CLYBL: variants seen among roughly 807,000 people sequenced by gnomAD.
The protein encoded by CLYBL is citramalyl-CoA lyase, mitochondrial.
Under a neutral mutation model 38.9 loss-of-function variants are expected in CLYBL, and 31 were observed. That is an observed-to-expected ratio of 0.80 (90% confidence interval 0.60 to 1.08). The LOEUF is 1.08. Among genes scored for constraint, CLYBL ranks in the 50% least tolerant of loss-of-function variants. CLYBL has a pLI of 0.00. For missense variants in CLYBL, 434 were observed against 411.6 expected, an observed-to-expected ratio of 1.05 and a Z score of -0.47; for synonymous variants, 171 against 158.6, an observed-to-expected ratio of 1.08 and a Z score of -0.59.
At chr13:99,718,342 C>T (rs2048348124) in intron 1 of CLYBL, among the ~76,000 whole-genome samples, 1 of 151,260 alleles carries the variant, frequency 6.6e-6, no homozygotes, top group Non-Finnish European at 1.5e-5. Context: ...ACTCCTGTTG[C>T]CTGTTAACCT....
chr13:99,661,466 C>G (rs184651357), intron 1 of CLYBL, among the ~76,000 whole-genome samples: 1 of 152,114 alleles, frequency 6.6e-6, no homozygotes, highest in Non-Finnish European at 1.5e-5. Context: ...TTCTGTCAGA[C>G]GAGTTATTCA....
At chr13:99,784,077 G>A (rs375794710) in intron 2 of CLYBL, 13 of 152,100 alleles carry the variant, frequency 8.5e-5, no homozygotes, top group South Asian at 4.1e-4. Flanking sequence ...ATGTGCCAAC[G>A]TTGCAGCAAG....
At chr13:99,635,875 A>C (rs956420209) in intron 1 of CLYBL, among the ~76,000 whole-genome samples, 1 of 152,180 alleles carries the variant, frequency 6.6e-6, no homozygotes, top group Non-Finnish European at 1.5e-5. Context: ...GATGGACTAA[A>C]GATAATATAT....
At chr13:99,658,261 G>A (rs2236583) in intron 1 of CLYBL, among the ~76,000 whole-genome samples, 19,159 of 152,286 alleles carry the variant, frequency 0.13, 1,229 homozygotes, top group African/African-American at 0.14. Context: ...AGGCCCACTC[G>A]GGGTGAATAG....
In CLYBL at chr13:99,709,969, T is replaced by G. The variant is rs190713264; in HGVS notation, c.63-62855T>G. On this transcript the variant is annotated intron_variant, in intron 1 of 8. Transcript: ENST00000339105. ...GACGGAGTCTCGCTCTGTCGCCCAG[T>G]CTGGAGTGCAGTGGCGCTATCTGGG... Among the ~76,000 whole-genome samples, 633 of 143,118 alleles carry G rather than the reference T, an allele frequency of 4.4e-3. 4 individuals carry two copies. Among genetic ancestry groups the G allele is most frequent in the African/African-American group, 0.015 (589 of 38,372 alleles). 93.9% of individuals were successfully genotyped at this position (143,118 alleles called of 152,430 possible).
intron 1 of CLYBL, among the ~76,000 whole-genome samples, chr13:99,755,775 T>C (rs941291119): frequency 2.6e-5 from 4 of 152,270 alleles, no homozygotes; most frequent in East Asian, 1.9e-4. Flanking sequence ...GACATTCCCA[T>C]TGCCTCTCTA....
At chr13:99,685,887 G>A (rs181295557) in intron 1 of CLYBL, among the ~76,000 whole-genome samples, 3 of 152,212 alleles carry the variant, frequency 2.0e-5, no homozygotes, top group African/African-American at 7.2e-5. Context: ...GCTTGAACCC[G>A]GGAGGTGGAG....
rs556838380 is a variant in CLYBL at position 99,810,093 on chromosome 13, G to T, written c.249+37083G>T. ...GTGAAGTCATACTAGCTAGATAAAT[G>T]ATTAACTCGGTAACTCATCAAATAA... On this transcript the variant is annotated intron_variant, in intron 2 of 8. Transcript: ENST00000339105. 3.9e-5 allele frequency among the ~76,000 whole-genome samples: 6 copies of T among 152,332 alleles called. No homozygotes were observed. The South Asian group carries it at 6.2e-4, about 16-fold the overall frequency.
chr13:99,748,017 T>A (rs952962758), intron 1 of CLYBL, among the ~76,000 whole-genome samples: 1 of 152,148 alleles, frequency 6.6e-6, no homozygotes, highest in African/African-American at 2.4e-5. Context: ...TTATGATTAT[T>A]GTGCGACCAT....
chr13:99,756,332 G>A (rs975204762), intron 1 of CLYBL, among the ~76,000 whole-genome samples: 7 of 152,122 alleles, frequency 4.6e-5, no homozygotes, highest in East Asian at 3.9e-4. Flanking sequence ...TTTTGGGATC[G>A]GTAAGACACC....
At chr13:99,694,273 A>C (rs1196592644) in intron 1 of CLYBL, among the ~76,000 whole-genome samples, 1 of 152,176 alleles carries the variant, frequency 6.6e-6, no homozygotes, top group African/African-American at 2.4e-5. Context: ...TTGGAGAAAA[A>C]CATCAGTCAT....
At chr13:99,696,635 T>G (rs2047983654) in intron 1 of CLYBL, among the ~76,000 whole-genome samples, 1 of 151,610 alleles carries the variant, frequency 6.6e-6, no homozygotes, top group African/African-American at 2.4e-5. Context: ...GGCCTAGACT[T>G]GGGAAAGAAG....
chr13:99,877,571 CTTTTTTTT>C (rs561372911), intron 7 of CLYBL: 49 of 212,068 alleles, frequency 2.3e-4, no homozygotes, highest in Admixed American at 4.9e-4. Flanking sequence ...TTTTGTAATT[CTTTTTTTT>C]TTTTTTTTTT....
At chr13:99,779,637 C>T (rs2049597755) in intron 2 of CLYBL, among the ~76,000 whole-genome samples, 1 of 152,172 alleles carries the variant, frequency 6.6e-6, no homozygotes, top group Non-Finnish European at 1.5e-5. Flanking sequence ...ATGTCAGGTG[C>T]TACAGAAGTT....
chr13:99,704,474 A>G (rs2048116513), intron 1 of CLYBL, among the ~76,000 whole-genome samples: 1 of 152,178 alleles, frequency 6.6e-6, no homozygotes, highest in Non-Finnish European at 1.5e-5. Context: ...ATGATTGCAA[A>G]CTAATTTGGA....
intron 1 of CLYBL, among the ~76,000 whole-genome samples, chr13:99,704,456 C>T (rs2048116264): frequency 6.6e-6 from 1 of 152,126 alleles, no homozygotes; most frequent in African/African-American, 2.4e-5. Context: ...TTCCTGTAAA[C>T]CTAAATCATG....
At chr13:99,887,644 A>G (rs917800635) in intron 7 of CLYBL, among the ~76,000 whole-genome samples, 2 of 152,070 alleles carry the variant, frequency 1.3e-5, no homozygotes, top group African/African-American at 4.8e-5. Context: ...TCCCAGCCAC[A>G]TGGGAGGCTG....
intron 1 of CLYBL, among the ~76,000 whole-genome samples, chr13:99,703,638 G>A (rs974509836): frequency 6.6e-6 from 1 of 152,152 alleles, no homozygotes; most frequent in Admixed American, 6.6e-5. Context: ...ATAGCACTGG[G>A]ATTACACATA....
At chr13:99,703,649 T>C (rs1273231066) in intron 1 of CLYBL, among the ~76,000 whole-genome samples, 1 of 152,236 alleles carries the variant, frequency 6.6e-6, no homozygotes, top group Non-Finnish European at 1.5e-5. Context: ...ATTACACATA[T>C]GAGCCACTGT....
Sources: gnomAD v4.1 joint callset for allele counts (sites outside exome capture counted in the v4.1 genomes callset) on GRCh38, gnomAD v4.1.1 for gene constraint, MANE v1.5 for transcripts, NCBI Gene and HGNC (gene_info 2026-07-23, HGNC 2026-07-21) for gene names.